The following TLL2 variants were observed in gnomAD, a reference collection of about 807,000 sequenced individuals.
TLL2 encodes tolloid-like protein 2.
A neutral mutation model predicts 123.0 loss-of-function variants in TLL2; 106 were observed. The observed-to-expected ratio is 0.86, with a 90% confidence interval of 0.74 to 1.01. TLL2 has a LOEUF of 1.01. TLL2 is among the 50% of genes least tolerant of loss of function. The probability of loss-of-function intolerance (pLI) is 0.00; values close to 1 mark genes in which losing one functional copy is unlikely to be tolerated. For synonymous variants in TLL2, 494 were observed against 516.8 expected (o/e 0.96, Z 0.60); for missense variants, 1,332 against 1,336.7 (o/e 1.00, Z 0.06).
intron 2 of TLL2, among the ~76,000 whole-genome samples, chr10:96,463,335 G>C (rs1402439485): frequency 6.6e-6 from 1 of 152,178 alleles, no homozygotes; most frequent in Non-Finnish European, 1.5e-5. Flanking sequence ...GTTCATTTCA[G>C]AGTAATAAAG....
chr10:96,381,300 C>G (rs1370059876), intron 16 of TLL2, among the ~76,000 whole-genome samples: 1 of 152,236 alleles, frequency 6.6e-6, no homozygotes, highest in Non-Finnish European at 1.5e-5. Context: ...GCTCAAGAAC[C>G]TGCAAACAGT....
chr10:96,440,599 A>G (rs1433810522), intron 3 of TLL2, among the ~76,000 whole-genome samples: 1 of 152,216 alleles, frequency 6.6e-6, no homozygotes, highest in African/African-American at 2.4e-5. Flanking sequence ...TCTCTATTCA[A>G]AGAAATAACA....
At chr10:96,504,562 A>G (rs1435499892) in intron 1 of TLL2, among the ~76,000 whole-genome samples, 2 of 151,606 alleles carry the variant, frequency 1.3e-5, no homozygotes, top group Non-Finnish European at 2.9e-5. Flanking sequence ...GTGAGCTGGG[A>G]TCCCACCACT....
intron 8 of TLL2, among the ~76,000 whole-genome samples, chr10:96,411,257 CAA>C (rs56011735): frequency 6.3e-4 from 60 of 95,080 alleles, no homozygotes; most frequent in Non-Finnish European, 8.6e-4. Flanking sequence ...GACTCTGTCT[CAA>C]AAAAAAAAAA....
At chr10:96,459,732 AGCAGC>A (rs1847060720) in intron 2 of TLL2, among the ~76,000 whole-genome samples, 1 of 123,054 alleles carries the variant, frequency 8.1e-6, no homozygotes, top group Non-Finnish European at 1.7e-5. Flanking sequence ...ATATATATAT[AGCAGC>A]TAAAATGAAA....
At chr10:96,404,574 C>T (rs916050649) in intron 10 of TLL2, among the ~76,000 whole-genome samples, 1 of 152,088 alleles carries the variant, frequency 6.6e-6, no homozygotes, top group African/African-American at 2.4e-5. Flanking sequence ...TGTTTTAAGT[C>T]ATTTTGGTTT....
intron 3 of TLL2, among the ~76,000 whole-genome samples, chr10:96,433,869 G>A (rs1207355518): frequency 1.3e-5 from 2 of 152,048 alleles, no homozygotes; most frequent in African/African-American, 2.4e-5. Context: ...TCCACCTCCC[G>A]GGTTCAAGCG....
At chr10:96,434,403 A>C (rs1446178616) in intron 3 of TLL2, among the ~76,000 whole-genome samples, 1 of 152,150 alleles carries the variant, frequency 6.6e-6, no homozygotes, top group African/African-American at 2.4e-5. Flanking sequence ...TGTTTCTATG[A>C]ATTTGCCTAT....
rs113456838 is a variant in TLL2, at chr10:96,371,320, C to CA, written c.2663-1006dup. On this transcript the variant is annotated intron_variant, in intron 19 of 20. Transcript: ENST00000357947. ...TGGGCCACAGAGCAAAACTCCGTATCAAAAAAAAAAAAAAAGTAAATAAAT... is the reference window on the plus strand; with the variant it reads ...TGGGCCACAGAGCAAAACTCCGTATCAAAAAAAAAAAAAAAAGTAAATAAAT... 3.2e-3 allele frequency among the ~76,000 whole-genome samples: 367 copies of CA among 115,670 alleles called. 2 individuals are homozygous for CA. The highest frequency in any genetic ancestry group is 0.021 in the South Asian group (85 of 4,034). 75.9% of individuals were successfully genotyped at this position (115,670 alleles called of 152,430 possible). A position where few individuals can be genotyped will look rare whatever the true frequency, so the allele number is the denominator to read the frequency against.
At chr10:96,408,551 CT>C (rs1282110790) in intron 9 of TLL2, among the ~76,000 whole-genome samples, 2 of 152,206 alleles carry the variant, frequency 1.3e-5, no homozygotes, top group Non-Finnish European at 2.9e-5. Context: ...TACCAGACCT[CT>C]TCCTCTTCCC....
chr10:96,463,244 C>T (rs992572244), intron 2 of TLL2, among the ~76,000 whole-genome samples: 1 of 152,212 alleles, frequency 6.6e-6, no homozygotes, highest in South Asian at 2.1e-4. Context: ...TCTTCCGAGG[C>T]ATTGAGCCTG....
At chr10:96,442,585 C>G (rs1846860318) in intron 3 of TLL2, among the ~76,000 whole-genome samples, 1 of 152,140 alleles carries the variant, frequency 6.6e-6, no homozygotes, top group African/African-American at 2.4e-5. Flanking sequence ...ACTGGCCTAG[C>G]CTGCACATTC....
Position 96,365,285 on chromosome 10 carries a change from C to T in TLL2, c.*2803G>A, listed in dbSNP as rs142415394. ...ACAGGTAAATACCTCTAAATATTTA[C>T]CTTAGAGGAAAATAGAGGGAATAGT... On this transcript the variant is annotated 3_prime_UTR_variant, in exon 21 of 21. Coordinates refer to ENST00000357947, the MANE Select transcript of TLL2 (RefSeq NM_012465.4). The T allele has an allele frequency of 8.5e-5, 13 of 152,334 alleles. No homozygotes were observed. The Middle Eastern group carries it at 0.017, about 199-fold the overall frequency. The allele number at this position is 152,334 out of a possible 1,614,324, so 9.4% of individuals were successfully genotyped here.
At chr10:96,451,390 G>T (rs1041038128) in intron 2 of TLL2, among the ~76,000 whole-genome samples, 12 of 152,174 alleles carry the variant, frequency 7.9e-5, no homozygotes, top group African/African-American at 2.9e-4. Flanking sequence ...AATATTAACT[G>T]TATACACCCA....
intron 2 of TLL2, among the ~76,000 whole-genome samples, chr10:96,474,924 T>C (rs1222677390): frequency 1.3e-5 from 2 of 152,354 alleles, no homozygotes; most frequent in East Asian, 3.9e-4. Flanking sequence ...CTTCAATCTC[T>C]GCCTCTGTCT....
At chr10:96,509,001 A>C (rs920118938) in intron 1 of TLL2, among the ~76,000 whole-genome samples, 2 of 152,138 alleles carry the variant, frequency 1.3e-5, no homozygotes, top group African/African-American at 4.8e-5. Context: ...CACAGTTTCC[A>C]TTTGGTTCTC....
chr10:96,378,499 TA>T (rs1464742397), intron 17 of TLL2, among the ~76,000 whole-genome samples: 2 of 152,228 alleles, frequency 1.3e-5, no homozygotes, highest in Non-Finnish European at 2.9e-5. Flanking sequence ...GACAAAGACA[TA>T]AATGGCTGAT....
At chr10:96,487,932 G>A (rs915962748) in intron 1 of TLL2, among the ~76,000 whole-genome samples, 1 of 152,132 alleles carries the variant, frequency 6.6e-6, no homozygotes, top group African/African-American at 2.4e-5. Context: ...GTCATCACAC[G>A]GTGCAGTATG....
chr10:96,376,889 G>A, intron 17 of TLL2, 70 bp from the exon 18 acceptor site: 3 of 1,439,028 alleles, frequency 2.1e-6, no homozygotes, highest in Non-Finnish European at 2.7e-6. Flanking sequence ...AAGGATTCTA[G>A]GGGGGTCTCC....
Sources: allele counts gnomAD v4.1 joint callset (sites outside exome capture counted in the v4.1 genomes callset), GRCh38; gene constraint gnomAD v4.1.1; transcripts MANE v1.5; gene names NCBI Gene and HGNC (gene_info 2026-07-23, HGNC 2026-07-21).